The following CRPPA variants were observed in gnomAD, a reference collection of about 807,000 sequenced individuals.
The protein encoded by CRPPA is D-ribitol-5-phosphate cytidylyltransferase.
A neutral mutation model predicts 52.0 loss-of-function variants in CRPPA; 43 were observed. The observed-to-expected ratio is 0.83, with a 90% CI of 0.65 to 1.07. The LOEUF is 1.07. Ranked by LOEUF, CRPPA falls within the 50% of genes least tolerant of loss-of-function variation. CRPPA has a pLI of 0.00. For missense variants in CRPPA, 629 were observed against 551.7 expected, an observed-to-expected ratio of 1.14 and a Z score of -1.40; for synonymous variants, 250 against 203.5, an observed-to-expected ratio of 1.23 and a Z score of -1.94.
intron 1 of CRPPA, among the ~76,000 whole-genome samples, chr7:16,417,004 A>G (rs2128320391): frequency 1.3e-5 from 2 of 152,318 alleles, no homozygotes; most frequent in Middle Eastern, 3.4e-3. Flanking sequence ...TGACATGAAC[A>G]AACACTTCTC....
intron 5 of CRPPA, among the ~76,000 whole-genome samples, chr7:16,287,192 G>T (rs996176860): frequency 6.6e-6 from 1 of 152,110 alleles, no homozygotes; most frequent in African/African-American, 2.4e-5. Context: ...AAGTTCACAG[G>T]CATAAAATTG....
chr7:16,330,323 A>T (rs1785519608), intron 3 of CRPPA, among the ~76,000 whole-genome samples: 1 of 152,188 alleles, frequency 6.6e-6, no homozygotes. Context: ...GTCAAGACAT[A>T]TGTTTTTTGT....
intron 9 of CRPPA, among the ~76,000 whole-genome samples, chr7:16,201,748 G>C (rs1781865462): frequency 1.3e-5 from 2 of 152,164 alleles, no homozygotes; most frequent in African/African-American, 2.4e-5. Flanking sequence ...AACTACAGGA[G>C]CAAAACAGCT....
At chr7:16,414,500 A>T (rs530427706) in intron 1 of CRPPA, among the ~76,000 whole-genome samples, 6 of 152,180 alleles carry the variant, frequency 3.9e-5, no homozygotes, top group South Asian at 2.1e-4. Context: ...TTTTTAAAAC[A>T]GTAAAATCTA....
rs928959534 is a variant in CRPPA at position 16,089,118 on chromosome 7, G to T, written c.*2577C>A. On this transcript the variant is annotated 3_prime_UTR_variant, in exon 10 of 10. Transcript: ENST00000407010. ...TCCTCATGAAAATAGTGAAGGATGT[G>T]CAGATATATATACATATAAAATACA... The T allele has an allele frequency of 6.1e-5, 14 of 229,630 alleles. No homozygotes were observed. The highest frequency in any genetic ancestry group is 1.1e-4 in the Non-Finnish European group (11 of 104,206). The allele number at this position is 229,630 out of a possible 1,614,324, so 14.2% of individuals were successfully genotyped here.
chr7:16,418,102 C>T (rs1484824053), intron 1 of CRPPA, among the ~76,000 whole-genome samples: 1 of 152,172 alleles, frequency 6.6e-6, no homozygotes, highest in Non-Finnish European at 1.5e-5. Context: ...AAACTATCAA[C>T]AGTCTGTAGG....
At chr7:16,420,977 G>C (rs1367561319) in intron 1 of CRPPA, 89 bp downstream of exon 1, 4 of 1,142,764 alleles carry the variant, frequency 3.5e-6, no homozygotes, top group Middle Eastern at 2.3e-4. Flanking sequence ...AGTCCCCCAA[G>C]TGAAGGTGCT....
intron 5 of CRPPA, among the ~76,000 whole-genome samples, chr7:16,284,161 A>T (rs1460410318): frequency 6.6e-6 from 1 of 152,072 alleles, no homozygotes; most frequent in African/African-American, 2.4e-5. Flanking sequence ...AAGTCTTTTC[A>T]TTTATTGATG....
At chr7:16,286,066 T>TTTAAAAAAAAAA (rs1562608525) in intron 5 of CRPPA, among the ~76,000 whole-genome samples, 1 of 25,842 alleles carries the variant, frequency 3.9e-5, no homozygotes, top group African/African-American at 2.3e-4. Flanking sequence ...TATATATATA[T>TTTAAAAAAAAAA]ATATATATAT....
intron 9 of CRPPA, among the ~76,000 whole-genome samples, chr7:16,099,644 T>C (rs573525079): frequency 3.9e-5 from 6 of 152,226 alleles, no homozygotes; most frequent in Non-Finnish European, 7.4e-5. Flanking sequence ...CAGAGCCAGA[T>C]TGCAGTGAGG....
intron 2 of CRPPA, among the ~76,000 whole-genome samples, chr7:16,386,785 G>C (rs1036100934): frequency 6.6e-6 from 1 of 151,902 alleles, no homozygotes; most frequent in African/African-American, 2.4e-5. Flanking sequence ...CTCTGGGAGG[G>C]AGAAGCAGGC....
intron 2 of CRPPA, among the ~76,000 whole-genome samples, chr7:16,395,593 A>G (rs980415801): frequency 6.6e-6 from 1 of 152,252 alleles, no homozygotes; most frequent in African/African-American, 2.4e-5. Context: ...AATTTGTCCA[A>G]TATAGAAACA....
chr7:16,276,833 A>G (rs1472399501), intron 6 of CRPPA: 4 of 152,230 alleles, frequency 2.6e-5, no homozygotes, highest in Non-Finnish European at 5.9e-5. Context: ...TTTCAGCTAT[A>G]AACTTTAAAT....
intron 2 of CRPPA, among the ~76,000 whole-genome samples, chr7:16,377,248 C>A (rs939513019): frequency 6.6e-6 from 1 of 152,000 alleles, no homozygotes; most frequent in Non-Finnish European, 1.5e-5. Flanking sequence ...AAATTTGGAA[C>A]CTAGGCATAA....
intron 8 of CRPPA, among the ~76,000 whole-genome samples, chr7:16,231,065 T>C (rs1174334524): frequency 3.9e-5 from 6 of 152,154 alleles, no homozygotes; most frequent in African/African-American, 1.4e-4. Flanking sequence ...GGGATCACCC[T>C]GGTGTTGAGT....
chr7:16,353,539 A>T (rs1300147332), intron 3 of CRPPA, among the ~76,000 whole-genome samples: 1 of 152,142 alleles, frequency 6.6e-6, no homozygotes, highest in Non-Finnish European at 1.5e-5. Flanking sequence ...GAATATTAAC[A>T]AACAGTTTAA....
chr7:16,387,585 T>C (rs1787321764), intron 2 of CRPPA, among the ~76,000 whole-genome samples: 2 of 152,098 alleles, frequency 1.3e-5, no homozygotes, highest in Non-Finnish European at 2.9e-5. Flanking sequence ...ATCTATCACA[T>C]GCTGTCTACA....
chr7:16,143,072 T>C (rs1316613874), intron 9 of CRPPA, among the ~76,000 whole-genome samples: 1 of 152,224 alleles, frequency 6.6e-6, no homozygotes, highest in Non-Finnish European at 1.5e-5. Flanking sequence ...GGCTGAGTTA[T>C]TGCAAACAAG....
intron 1 of CRPPA, among the ~76,000 whole-genome samples, chr7:16,420,855 C>T (rs1170878844): frequency 6.6e-6 from 1 of 152,110 alleles, no homozygotes; most frequent in African/African-American, 2.4e-5. Flanking sequence ...ACGTAAAGGG[C>T]TCTGTGGGGG....
Sources: gnomAD v4.1 joint callset for allele counts (sites outside exome capture counted in the v4.1 genomes callset) on GRCh38, gnomAD v4.1.1 for gene constraint, MANE v1.5 for transcripts, NCBI Gene and HGNC (gene_info 2026-07-23, HGNC 2026-07-21) for gene names.